The following SYNRG variants were observed in gnomAD, a reference collection of about 807,000 sequenced individuals.
SYNRG encodes synergin gamma, also known as AP1 gamma subunit binding protein 1.
A neutral mutation model predicts 130.9 loss-of-function variants in SYNRG; 37 were observed. The ratio of observed to expected loss-of-function variants is 0.28; its 90% CI spans 0.22 to 0.37. The LOEUF (loss-of-function observed/expected upper bound fraction) is 0.37. Ranked by LOEUF, SYNRG falls within the 10% of genes least tolerant of loss-of-function variation. SYNRG has a pLI of 1.00. For synonymous variants in SYNRG, 539 were observed against 568.1 expected, an observed-to-expected ratio of 0.95 and a Z score of 0.73; for missense variants, 1,338 against 1,588.9, an observed-to-expected ratio of 0.84 and a Z score of 2.68.
intron 19 of SYNRG, chr17:37,529,968 AAAG>A (rs1442841736): frequency 9.0e-6 from 8 of 893,404 alleles, no homozygotes; most frequent in Admixed American, 2.4e-5. Flanking sequence ...ATCTAAATGT[AAAG>A]AAGGAGGCTT....
intron 17 of SYNRG, chr17:37,538,972 T>C (rs2057472608): frequency 1.2e-6 from 1 of 857,894 alleles, no homozygotes; most frequent in Non-Finnish European, 1.4e-6. Context: ...TTAAACACAA[T>C]GACAGATGAG....
In SYNRG at chr17:37,553,817, C is replaced by G. The variant is rs773562069; in HGVS notation, c.1906G>C (p.Val636Leu). The G allele has an allele frequency of 1.2e-6, 2 of 1,613,460 alleles. No individual in the cohort carries two copies. The highest frequency in any genetic ancestry group is 8.5e-7 in the Non-Finnish European group (1 of 1,179,896). ...GAAACTGATTTTGATGTGCTAAACA[C>G]AGCTGAAAAAGACAATGGTTTCTCG... ...SSEKPLSFSA[V>L]FSTSKSVSTP... The change falls in exon 14 of 22, where the codon GTG becomes CTG. Residue 636 changes from valine (V) to leucine (L), a missense_variant. By Grantham distance (32) the Val-to-Leu change is conservative (BLOSUM62 1). Transcript: ENST00000612223.
intron 20 of SYNRG, among the ~76,000 whole-genome samples, 156 bp from the exon 21 acceptor site, chr17:37,520,370 C>T (rs1269583952): frequency 6.6e-6 from 1 of 152,180 alleles, no homozygotes; most frequent in Non-Finnish European, 1.5e-5. Context: ...TCCACAGCTC[C>T]CCCGCTGCCC....
chr17:37,588,334 C>G (rs1242261992), intron 3 of SYNRG, among the ~76,000 whole-genome samples: 3 of 147,566 alleles, frequency 2.0e-5, no homozygotes, highest in African/African-American at 7.6e-5. Context: ...GCAATCTCAG[C>G]TCACTGCAAC....
intron 14 of SYNRG, among the ~76,000 whole-genome samples, chr17:37,546,146 G>A (rs1003113510): frequency 6.6e-6 from 1 of 152,144 alleles, no homozygotes; most frequent in Non-Finnish European, 1.5e-5. Flanking sequence ...TAAAGATTAT[G>A]TAAGACCTAC....
At position 37,538,328 on chromosome 17, in the gene SYNRG, T is replaced by A; in HGVS notation, c.3513A>T (p.Leu1171Phe). 6.3e-7 allele frequency: 1 copy of A among 1,599,156 alleles called. No individual in the cohort carries two copies. The highest frequency in any genetic ancestry group is 8.5e-7 in the Non-Finnish European group (1 of 1,174,322). The change falls in exon 18 of 22, where the codon TTA (leucine) becomes TTT (phenylalanine). Residue 1171 changes from leucine to phenylalanine, a missense_variant. Physicochemically the swap from Leu to Phe is conservative, Grantham distance 22. Coordinates refer to ENST00000612223, the MANE Select transcript of SYNRG (RefSeq NM_007247.6). ...VIQSAQGMEY[L>F]LGVVEVYRVT... ...GTAAAATATGAAAGAACATACCTAA[T>A]AAATATTCCATGCCTTGAGCTGACT...
Position 37,589,479 on chromosome 17 carries a change from G to A in SYNRG, c.241-2930C>T, listed in dbSNP as rs554345564. Among the ~76,000 whole-genome samples the A allele has an allele frequency of 1.1e-4, 17 of 151,600 alleles. No individual in the cohort carries two copies. In the East Asian group the frequency reaches 2.2e-3, roughly 19 times the overall value. ...AAATGGGCTATTTAGGGCCGGGCGCGGTGGCTCACGCCTGTAATTCCAGCA... is the reference window on the plus strand; with the variant it reads ...AAATGGGCTATTTAGGGCCGGGCGCAGTGGCTCACGCCTGTAATTCCAGCA... On this transcript the variant is annotated intron_variant, in intron 3 of 21. Transcript: ENST00000612223.
chr17:37,541,179 G>C, intron 15 of SYNRG: 2 of 985,396 alleles, frequency 2.0e-6, no homozygotes, highest in Non-Finnish European at 2.4e-6. Flanking sequence ...GAGTTGTGTG[G>C]CTTTTCCAGT....
intron 14 of SYNRG, among the ~76,000 whole-genome samples, chr17:37,549,895 T>TAC (rs1489227454): frequency 6.6e-6 from 1 of 152,116 alleles, no homozygotes; most frequent in African/African-American, 2.4e-5. Context: ...CCCGGATGAG[T>TAC]ACCCAATTTC....
chr17:37,604,806 A>G (rs1374329697), intron 1 of SYNRG, among the ~76,000 whole-genome samples: 4 of 152,318 alleles, frequency 2.6e-5, no homozygotes, highest in African/African-American at 9.6e-5. Flanking sequence ...AGGCCACTGT[A>G]GGGTTAATCA....
At chr17:37,538,468 T>C (rs772295972) in intron 17 of SYNRG, 48 bp from the exon 18 acceptor site, 4 of 1,363,538 alleles carry the variant, frequency 2.9e-6, no homozygotes, top group South Asian at 1.3e-5. Flanking sequence ...GAAAAGTCAT[T>C]GCAAATCAAT....
chr17:37,561,230 C>T lies in SYNRG; in HGVS notation c.1628G>A (p.Arg543Lys), dbSNP rs1453114479. ...ATTCTCTGCTGTCTGTTCAAGTTCT[C>T]TGAAAGCACTATATTTATCACCAGG... ...GDPGDKYSAF[R>K]ELEQTAENKP... Residue 543 changes from arginine to lysine, a missense_variant, in exon 13 of 22, where the codon AGA (arginine) becomes AAA (lysine). Around this residue, in one of 3 missense-constraint regions of SYNRG, gnomAD observed 1,146 missense variants for 1,342.3 expected, o/e 0.85. Transcript: ENST00000612223. The T allele has an allele frequency of 6.2e-7, 1 of 1,613,744 alleles. No individual in the cohort carries two copies. The highest frequency in any genetic ancestry group is 1.3e-5 in the African/African-American group (1 of 74,884).
At position 37,553,859 on chromosome 17, in the gene SYNRG, A is replaced by T. The variant is rs1238679014; in HGVS notation, c.1864T>A (p.Ser622Thr). ...GGTTTCTCGCTGCTGCAATTAACTG[A>T]GGAAAACATATCTAGGTCTGCTAAG... ...LNLADLDMFS[S>T]VNCSSEKPLS... Residue 622 changes from serine (S) to threonine (T), a missense_variant, in exon 14 of 22, where the codon TCA (serine) becomes ACA (threonine). By Grantham distance (58) the Ser-to-Thr change is moderately conservative. Coordinates refer to ENST00000612223, the MANE Select transcript of SYNRG (RefSeq NM_007247.6). 23 of 1,612,152 alleles carry T rather than the reference A, an allele frequency of 1.4e-5. No homozygotes were observed. The South Asian group carries it at 2.4e-4, about 17-fold the overall frequency.
intron 2 of SYNRG, among the ~76,000 whole-genome samples, chr17:37,599,097 T>C (rs2063035315): frequency 6.6e-6 from 1 of 152,252 alleles, no homozygotes; most frequent in Non-Finnish European, 1.5e-5. Flanking sequence ...CTTTATCTTT[T>C]ATCTCTACTG....
At position 37,517,516 on chromosome 17, in the gene SYNRG, C is replaced by G. The variant is rs2054519544; in HGVS notation, c.*1424G>C. On this transcript the variant is annotated 3_prime_UTR_variant, in exon 22 of 22. Transcript: ENST00000612223. ...GCATTCGGGCACGCAGAAGGTCAAG[C>G]AGAAGCCTCAGCAACAGCTGTTTAA... 6.6e-6 allele frequency: 1 copy of G among 151,826 alleles called. No individual in the cohort carries two copies. Among genetic ancestry groups the G allele is most frequent in the Non-Finnish European group, 1.5e-5 (1 of 68,002 alleles). 9.4% of individuals were successfully genotyped at this position (151,826 alleles called of 1,614,324 possible).
rs150437428 is a variant in SYNRG, at chr17:37,538,502, C to T, written c.3421-82G>A. The T allele has an allele frequency of 5.5e-4, 534 of 979,252 alleles. 2 individuals carry two copies. The East Asian group carries it at 0.012, about 22-fold the overall frequency. 60.7% of individuals were successfully genotyped at this position (979,252 alleles called of 1,614,324 possible). A position where few individuals can be genotyped will look rare whatever the true frequency, so the allele number is the denominator to read the frequency against. ...ATTTACTATTAGTAGAAAACCCAAC[C>T]GAAAAGCCAGGAGGTGTCAAAAAAT... On this transcript the variant is annotated intron_variant, in intron 17 of 21. Transcript: ENST00000612223.
chr17:37,546,867 C>G (rs1358537491), intron 14 of SYNRG, among the ~76,000 whole-genome samples: 1 of 152,170 alleles, frequency 6.6e-6, no homozygotes, highest in Non-Finnish European at 1.5e-5. Flanking sequence ...TTTACTAAAG[C>G]AAACCATAAA....
chr17:37,531,846 T>G (rs928158560), intron 19 of SYNRG, among the ~76,000 whole-genome samples: 2 of 152,190 alleles, frequency 1.3e-5, no homozygotes, highest in Non-Finnish European at 2.9e-5. Context: ...TTTGGCAGAT[T>G]TCCTTCAAGC....
At chr17:37,596,989 G>A (rs1236044677) in intron 2 of SYNRG, among the ~76,000 whole-genome samples, 1 of 152,064 alleles carries the variant, frequency 6.6e-6, no homozygotes, top group African/African-American at 2.4e-5. Context: ...CTCAACACCC[G>A]CCTCAGCCTC....
Sources: allele counts gnomAD v4.1 joint callset (sites outside exome capture counted in the v4.1 genomes callset), GRCh38; gene constraint gnomAD v4.1.1; regional missense constraint gnomAD v4.1.1; transcripts MANE v1.5; gene names NCBI Gene and HGNC (gene_info 2026-07-23, HGNC 2026-07-21).